Variants in PAG1 observed in about 807,000 individuals in gnomAD.
PAG1 encodes phosphoprotein associated with glycosphingolipid-enriched microdomains 1.
In PAG1, 23 loss-of-function variants were observed where a neutral mutation model predicts 31.7. The ratio of observed to expected loss-of-function variants is 0.73; its 90% CI spans 0.52 to 1.03. PAG1 has a LOEUF of 1.03. PAG1 is among the 50% of genes least tolerant of loss of function. The probability of loss-of-function intolerance (pLI) is 0.00; values close to 1 mark genes in which losing one functional copy is unlikely to be tolerated. For synonymous variants in PAG1, 214 were observed against 210.3 expected, an observed-to-expected ratio of 1.02 and a Z score of -0.15; for missense variants, 473 against 540.7, an observed-to-expected ratio of 0.87 and a Z score of 1.24.
At chr8:80,988,609 C>T (rs6998543) in intron 5 of PAG1, among the ~76,000 whole-genome samples, 30,953 of 152,020 alleles carry the variant, frequency 0.2, 5,404 homozygotes, top group African/African-American at 0.47. Flanking sequence ...TACAGGTATG[C>T]ACCACTATGT....
chr8:81,094,913 C>T (rs1809501733), intron 1 of PAG1, among the ~76,000 whole-genome samples: 1 of 152,196 alleles, frequency 6.6e-6, no homozygotes. Flanking sequence ...GACCTTGAGC[C>T]AGATGCTTAA....
intron 2 of PAG1, among the ~76,000 whole-genome samples, chr8:81,046,673 T>G (rs187596694): frequency 6.6e-6 from 1 of 152,280 alleles, no homozygotes; most frequent in East Asian, 1.9e-4. Context: ...TCTAAGGTCT[T>G]TTTTTTAAAT....
At chr8:81,056,740 A>G (rs1373305229) in intron 2 of PAG1, among the ~76,000 whole-genome samples, 1 of 152,192 alleles carries the variant, frequency 6.6e-6, no homozygotes. Flanking sequence ...TAAACTAAAG[A>G]GCTTCTGCAG....
intron 3 of PAG1, among the ~76,000 whole-genome samples, chr8:81,023,210 T>C (rs1444365398): frequency 6.6e-6 from 1 of 152,164 alleles, no homozygotes; most frequent in Non-Finnish European, 1.5e-5. Flanking sequence ...TTGACTTTTT[T>C]CTTATTTAAC....
At position 80,990,488 on chromosome 8, in the gene PAG1, T is replaced by C. The variant is rs922739120; in HGVS notation, c.177+991A>G. ...ATGATGTCCTGAACAAGAAGCATCT[T>C]CTGTCTTAGCACTGCCACAGGACTC... On this transcript the variant is annotated intron_variant, in intron 5 of 8. Coordinates refer to ENST00000220597, the MANE Select transcript of PAG1 (RefSeq NM_018440.4). This position sits in a 1 kb window ranked among gnomAD's most constrained non-coding sequence, Gnocchi z 5.1. Among the ~76,000 whole-genome samples, 7 of 152,206 alleles carry C rather than the reference T, an allele frequency of 4.6e-5. No individual in the cohort carries two copies. The highest frequency in any genetic ancestry group is 1.0e-4 in the Non-Finnish European group (7 of 68,032).
chr8:80,993,556 G>A (rs1807604478), intron 3 of PAG1, among the ~76,000 whole-genome samples: 1 of 151,714 alleles, frequency 6.6e-6, no homozygotes, highest in Admixed American at 6.6e-5. Context: ...TTGAAGCAAT[G>A]GATGTCTTAT....
intron 2 of PAG1, among the ~76,000 whole-genome samples, chr8:81,045,829 T>C (rs1240046120): frequency 6.6e-6 from 1 of 152,188 alleles, no homozygotes; most frequent in South Asian, 2.1e-4. Flanking sequence ...ATAGACCTTC[T>C]GCATTAATAA....
At chr8:81,024,690 G>A (rs1230493129) in intron 3 of PAG1, among the ~76,000 whole-genome samples, 3 of 152,106 alleles carry the variant, frequency 2.0e-5, no homozygotes, top group African/African-American at 7.2e-5. Context: ...TTTCTTTTAG[G>A]AAAATGTTTG....
chr8:81,005,508 G>A lies in PAG1; in HGVS notation c.-80-12201C>T, dbSNP rs576010293. Among the ~76,000 whole-genome samples the A allele has an allele frequency of 2.0e-5, 3 of 152,300 alleles. No homozygotes were observed. The East Asian group carries it at 5.8e-4, about 29-fold the overall frequency. ...GAATCAGTCATGCTCTTTGGAAGAGGTTCTTGTTCATTTCAAAGGCTGCTA... is the reference window on the plus strand; with the variant it reads ...GAATCAGTCATGCTCTTTGGAAGAGATTCTTGTTCATTTCAAAGGCTGCTA... On this transcript the variant is annotated intron_variant, in intron 3 of 8. Coordinates refer to ENST00000220597, the MANE Select transcript of PAG1 (RefSeq NM_018440.4).
intron 1 of PAG1, among the ~76,000 whole-genome samples, chr8:81,088,068 C>T (rs73692337): frequency 0.029 from 4,376 of 152,206 alleles, 227 homozygotes; most frequent in African/African-American, 0.099. Context: ...CCAAAAATAA[C>T]TCCTTAATAT....
chr8:81,051,011 A>C (rs909111936), intron 2 of PAG1, among the ~76,000 whole-genome samples: 9 of 152,228 alleles, frequency 5.9e-5, no homozygotes, highest in African/African-American at 1.9e-4. Flanking sequence ...CGTTTGTCTT[A>C]CATTTTACTT....
chr8:81,021,889 G>A (rs554938503), intron 3 of PAG1, among the ~76,000 whole-genome samples: 15 of 152,232 alleles, frequency 9.9e-5, no homozygotes, highest in African/African-American at 3.4e-4. Flanking sequence ...GCATGGTAAC[G>A]CAGAAGAAAG....
At chr8:81,051,614 C>G (rs1219276751) in intron 2 of PAG1, among the ~76,000 whole-genome samples, 1 of 152,108 alleles carries the variant, frequency 6.6e-6, no homozygotes, top group Non-Finnish European at 1.5e-5. Flanking sequence ...ATTCTTAAGA[C>G]AAACAGGTCA....
chr8:80,976,256 A>C lies in PAG1; in HGVS notation c.*288T>G. On this transcript the variant is annotated 3_prime_UTR_variant, in exon 9 of 9. Transcript: ENST00000220597. ...CTTGGCTTTCCTCACTAATGAGATG[A>C]GACCACTGACAGCTGGGATCTTTTG... 1 of 352,336 alleles carries C rather than the reference A, an allele frequency of 2.8e-6. No homozygotes were observed. Among genetic ancestry groups the C allele is most frequent in the Non-Finnish European group, 5.2e-6 (1 of 193,924 alleles). 21.8% of individuals were successfully genotyped at this position (352,336 alleles called of 1,614,324 possible). A position where few individuals can be genotyped will look rare whatever the true frequency, so the allele number is the denominator to read the frequency against.
intron 1 of PAG1, among the ~76,000 whole-genome samples, chr8:81,103,088 TA>T (rs1330920638): frequency 6.6e-6 from 1 of 151,936 alleles, no homozygotes; most frequent in African/African-American, 2.4e-5. Flanking sequence ...TGAATCCTTA[TA>T]TTTATACTCA....
In PAG1 at chr8:81,005,721, G is replaced by A. The variant is rs545565424; in HGVS notation, c.-80-12414C>T. On this transcript the variant is annotated intron_variant, in intron 3 of 8. Transcript: ENST00000220597. ...CCAGCCTCCATCTGTATCAGAGCGCGTGTCCTGCAGGTCCGTTCAGCACAC... is the reference window on the plus strand; with the variant it reads ...CCAGCCTCCATCTGTATCAGAGCGCATGTCCTGCAGGTCCGTTCAGCACAC... Among the ~76,000 whole-genome samples the A allele has an allele frequency of 4.6e-4, 70 of 152,230 alleles. 2 individuals are homozygous for A. The highest frequency in any genetic ancestry group is 1.0e-3 in the South Asian group (5 of 4,828).
chr8:80,995,828 AAGG>A (rs1295919120), intron 3 of PAG1, among the ~76,000 whole-genome samples: 2 of 152,184 alleles, frequency 1.3e-5, no homozygotes, highest in African/African-American at 2.4e-5. Context: ...CTCCTAATAG[AAGG>A]AGGTCAGTAG....
At chr8:81,028,799 G>A (rs757487287) in intron 3 of PAG1, among the ~76,000 whole-genome samples, 3 of 152,140 alleles carry the variant, frequency 2.0e-5, no homozygotes, top group Non-Finnish European at 2.9e-5. Context: ...AACAAACAAT[G>A]TCCTCTCTGT....
At position 80,993,177 on chromosome 8, in the gene PAG1, C is replaced by T. The variant is rs1311156280; in HGVS notation, c.51G>A (p.Leu17=). ...LLGSGQMQIT[L]WGSLAAVAIF... is the part of the protein sequence containing the mutation. ...TGGCGACAGCAGCCAGACTTCCCCA[C>T]AGGGTGATCTGCATCTGTCCGCTGC... The change falls in exon 4 of 9, where the codon CTG becomes CTA. Residue 17 remains leucine (L), a synonymous_variant. Coordinates refer to ENST00000220597, the MANE Select transcript of PAG1 (RefSeq NM_018440.4). 1.9e-6 allele frequency: 3 copies of T among 1,613,774 alleles called. No individual in the cohort carries two copies. Among genetic ancestry groups the T allele is most frequent in the South Asian group, 2.2e-5 (2 of 91,004 alleles).
Sources: gnomAD v4.1 joint callset for allele counts (sites outside exome capture counted in the v4.1 genomes callset) on GRCh38, gnomAD v4.1.1 for gene constraint, Gnocchi (gnomAD v3.1) non-coding constraint, MANE v1.5 for transcripts, NCBI Gene and HGNC (gene_info 2026-07-23, HGNC 2026-07-21) for gene names.